The following FNBP4 variants were observed in gnomAD, a reference collection of about 807,000 sequenced individuals.
FNBP4 encodes formin-binding protein 4.
Under a neutral mutation model 119.3 loss-of-function variants are expected in FNBP4, and 34 were observed. The observed-to-expected ratio is 0.28, with a 90% CI of 0.22 to 0.38. The LOEUF is 0.38. Among genes scored for constraint, FNBP4 ranks in the 10% least tolerant of loss-of-function variants. The pLI is 1.00. For synonymous variants in FNBP4, 462 were observed against 430.6 expected (o/e 1.07, Z -0.90); for missense variants, 1,112 against 1,228.9 (o/e 0.90, Z 1.42).
At chr11:47,720,350 C>A (rs1483574166) in intron 15 of FNBP4, among the ~76,000 whole-genome samples, 1 of 152,042 alleles carries the variant, frequency 6.6e-6, no homozygotes, top group African/African-American at 2.4e-5. Context: ...GGGCGGATCA[C>A]AAGGTCAGGA....
At chr11:47,730,831 TG>T (rs1405792352) in intron 12 of FNBP4, among the ~76,000 whole-genome samples, 1 of 152,234 alleles carries the variant, frequency 6.6e-6, no homozygotes, top group Non-Finnish European at 1.5e-5. Context: ...TATTGCCAAT[TG>T]TTTTAGACCA....
At chr11:47,721,868 T>C (rs951238275) in intron 15 of FNBP4, among the ~76,000 whole-genome samples, 2 of 149,522 alleles carry the variant, frequency 1.3e-5, no homozygotes, top group African/African-American at 4.9e-5. Flanking sequence ...AATTACAGCG[T>C]TCCCATTTTC....
chr11:47,738,486 A>G (rs2097577220), intron 8 of FNBP4, among the ~76,000 whole-genome samples: 1 of 151,872 alleles, frequency 6.6e-6, no homozygotes, highest in Admixed American at 6.6e-5. Flanking sequence ...AATCGCTTGA[A>G]CCTGGGAGGT....
intron 6 of FNBP4, among the ~76,000 whole-genome samples, chr11:47,750,410 C>G (rs2097599873): frequency 4.2e-5 from 2 of 47,902 alleles, no homozygotes; most frequent in Non-Finnish European, 9.0e-5. Context: ...AAAAAAAAGG[C>G]CAGATGTGGT....
intron 12 of FNBP4, chr11:47,725,126 C>G (rs905210734): frequency 2.3e-5 from 4 of 174,342 alleles, no homozygotes; most frequent in African/African-American, 9.4e-5. Flanking sequence ...ATTACATCAA[C>G]TCAACGAGAA....
rs56659957 is a variant in FNBP4 at position 47,762,906 on chromosome 11, CA to C, written c.313+2363del. Among the ~76,000 whole-genome samples, 296 of 100,656 alleles carry C rather than the reference CA, an allele frequency of 2.9e-3. 1 individual carries two copies. The highest frequency in any genetic ancestry group is 0.023 in the Middle Eastern group (3 of 132). 66.0% of individuals were successfully genotyped at this position (100,656 alleles called of 152,430 possible). Reference sequence around the variant, plus strand: ...GCCTGGGCAACAGAGACTCTGATTCCAAAAAAAAAAAAAAAAAAAAAGAGTC... The same window carrying C: ...GCCTGGGCAACAGAGACTCTGATTCCAAAAAAAAAAAAAAAAAAAAGAGTC... On this transcript the variant is annotated intron_variant, in intron 2 of 16. Transcript: ENST00000263773.
intron 2 of FNBP4, among the ~76,000 whole-genome samples, chr11:47,763,312 A>G (rs1380124748): frequency 6.6e-6 from 1 of 151,768 alleles, no homozygotes; most frequent in East Asian, 2.0e-4. Context: ...AAAAATACAA[A>G]AATTAGCCGG....
At chr11:47,751,422 T>G (rs1315214340) in intron 4 of FNBP4, 132 bp from the exon 5 acceptor site, 1 of 981,692 alleles carries the variant, frequency 1.0e-6, no homozygotes, top group African/African-American at 1.6e-5. Flanking sequence ...GTCTTTGTTG[T>G]GGAGGGGCAA....
In FNBP4 at chr11:47,743,311, C is replaced by T. The variant is rs910309402; in HGVS notation, c.1456+642G>A. On this transcript the variant is annotated intron_variant, in intron 8 of 16. Transcript: ENST00000263773. ...CAGCCTGGCCAACATGGCGAAACTC[C>T]GTCTCTACTAAAAATACAAAAAATA... is the stretch of plus-strand genomic sequence containing the variant. Among the ~76,000 whole-genome samples the T allele has an allele frequency of 6.6e-5, 10 of 152,104 alleles. No homozygotes were observed. The South Asian group carries it at 8.3e-4, about 13-fold the overall frequency.
At chr11:47,757,372 C>T (rs1461954133) in intron 2 of FNBP4, among the ~76,000 whole-genome samples, 2 of 151,128 alleles carry the variant, frequency 1.3e-5, no homozygotes, top group South Asian at 2.1e-4. Flanking sequence ...CCGCCACGCC[C>T]GGCTAATTTT....
intron 2 of FNBP4, among the ~76,000 whole-genome samples, chr11:47,763,778 G>C (rs2097641130): frequency 6.6e-6 from 1 of 152,130 alleles, no homozygotes; most frequent in African/African-American, 2.4e-5. Flanking sequence ...GGGATTACAA[G>C]CGTGAGCCAC....
intron 12 of FNBP4, chr11:47,730,081 T>G: frequency 5.1e-6 from 5 of 985,448 alleles, no homozygotes; most frequent in Non-Finnish European, 6.0e-6. Context: ...ACATTCAGAA[T>G]TGGTAACAGT....
intron 4 of FNBP4, chr11:47,752,593 A>G (rs2135236155): frequency 5.3e-6 from 1 of 187,606 alleles, no homozygotes; most frequent in African/African-American, 2.3e-5. Flanking sequence ...CTGATTTCCT[A>G]AGCTCAGGAG....
At chr11:47,729,530 C>T (rs1477187907) in intron 12 of FNBP4, 6 of 984,324 alleles carry the variant, frequency 6.1e-6, no homozygotes, top group Non-Finnish European at 6.0e-6. Context: ...ATTTTTGAGA[C>T]AGGGTCTTGT....
intron 8 of FNBP4, among the ~76,000 whole-genome samples, chr11:47,743,039 A>G (rs991781568): frequency 4.0e-5 from 6 of 151,160 alleles, no homozygotes; most frequent in African/African-American, 1.5e-4. Flanking sequence ...TTGCCCAGCT[A>G]GCCTGGAACT....
intron 7 of FNBP4, among the ~76,000 whole-genome samples, chr11:47,744,666 T>C (rs988894300): frequency 6.6e-6 from 1 of 152,238 alleles, no homozygotes; most frequent in Non-Finnish European, 1.5e-5. Flanking sequence ...AGGTATGCAA[T>C]GTGAAATAAG....
rs771566617 is a variant in FNBP4 at position 47,724,080 on chromosome 11, T to G, written c.2412A>C (p.Ser804=). Residue 804 remains serine (S), a synonymous_variant, in exon 14 of 17, where the codon TCA becomes TCC. Coordinates refer to ENST00000263773, the MANE Select transcript of FNBP4 (RefSeq NM_015308.5). The part of the protein sequence containing the change: ...TEISTAVVQR[S]ATIGSSPVLY... ...GAACTGGAGAACTGCCAATGGTAGC[T>G]GACCTCTGAACCACTGCAGTGCTAA... The G allele has an allele frequency of 3.1e-6, 5 of 1,614,092 alleles. No individual in the cohort carries two copies. In the Admixed American group the frequency reaches 8.3e-5, roughly 27 times the overall value.
intron 4 of FNBP4, 63 bp from the exon 5 acceptor site, chr11:47,751,353 A>G (rs974951389): frequency 6.3e-6 from 10 of 1,583,532 alleles, no homozygotes; most frequent in South Asian, 1.1e-5. Flanking sequence ...ATATAAGCTC[A>G]AAAGCCAAAA....
In FNBP4 at chr11:47,723,277, A is replaced by G. The variant is rs370277154; in HGVS notation, c.2504T>C (p.Ile835Thr). 8.1e-5 allele frequency: 130 copies of G among 1,613,168 alleles called. No individual in the cohort carries two copies. Among genetic ancestry groups the G allele is most frequent in the Non-Finnish European group, 1.0e-4 (120 of 1,179,364 alleles). The change falls in exon 15 of 17, where the codon ATT (isoleucine) becomes ACT (threonine). Residue 835 changes from isoleucine (I) to threonine (T), a missense_variant. This residue lies in a region of FNBP4 where 826 missense variants were observed against 988.8 expected (regional missense o/e 0.84). Transcript: ENST00000263773. ...AAGIGNQATG[I>T]GHQTIPVSLP... ...GCTAACTGGTATTGTCTGATGTCCA[A>G]TTCCTGTTGCCTGGTTTCCAATCCC...
Sources: allele counts gnomAD v4.1 joint callset (sites outside exome capture counted in the v4.1 genomes callset), GRCh38; gene constraint gnomAD v4.1.1; regional missense constraint gnomAD v4.1.1; transcripts MANE v1.5; gene names NCBI Gene and HGNC (gene_info 2026-07-23, HGNC 2026-07-21).